ELOA2: variants seen among roughly 807,000 people sequenced by gnomAD.
ELOA2 encodes the protein elongin A2.
For missense variants in ELOA2, 1,271 were observed against 979.7 expected, an observed-to-expected ratio of 1.30 and a Z score of -3.97; for synonymous variants, 497 against 398.8, an observed-to-expected ratio of 1.25 and a Z score of -2.94.
Position 47,034,429 on chromosome 18 carries a change from A to G in ELOA2, c.836T>C (p.Phe279Ser), listed in dbSNP as rs1239353698. Residue 279 changes from phenylalanine (F) to serine (S), a missense_variant, in exon 1 of 1, where the codon TTC becomes TCC. Phe to Ser is a radical substitution (Grantham distance 155, BLOSUM62 -2). Coordinates refer to ENST00000332567, the MANE Select transcript of ELOA2 (RefSeq NM_016427.3). Reference sequence around the variant, plus strand: ...TTGCCCCCCTTCCTTGTCTGTCTTGAAGTCCGAAGGCTGCCTGTCCCTGGC... The same window carrying G: ...TTGCCCCCCTTCCTTGTCTGTCTTGGAGTCCGAAGGCTGCCTGTCCCTGGC... ...ASARDRQPSDFKTDKEGGQAG... is the reference protein window; with the variant it reads ...ASARDRQPSDSKTDKEGGQAG... The G allele has an allele frequency of 6.2e-7, 1 of 1,614,036 alleles. No individual in the cohort carries two copies.
rs761977562 is a variant in ELOA2, at chr18:47,034,697, C to G, written c.568G>C (p.Gly190Arg). ...MPEGPEPAAP[G>R]KQPGRGHTHA... ...GTGTGGCCTCTTCCGGGTTGCTTCC[C>G]GGGCGCAGCGGGCTCAGGGCCCTCG... The change falls in exon 1 of 1, where the codon GGG (glycine) becomes CGG (arginine). Residue 190 changes from glycine to arginine, a missense_variant. Coordinates refer to ENST00000332567, the MANE Select transcript of ELOA2 (RefSeq NM_016427.3). 6 of 1,612,960 alleles carry G rather than the reference C, an allele frequency of 3.7e-6. No homozygotes were observed. The highest frequency in any genetic ancestry group is 1.1e-5 in the South Asian group (1 of 91,014).
rs758500076 is a variant in ELOA2 at position 47,034,572 on chromosome 18, G to A, written c.693C>T (p.Arg231=). The A allele has an allele frequency of 6.2e-7, 1 of 1,614,192 alleles. No homozygotes were observed. The highest frequency in any genetic ancestry group is 1.3e-5 in the African/African-American group (1 of 75,072). ...GGGCACACAAGGGGCGTTTTTCCTG[G>A]CGAGACGATTTGTGCCCCTTGCTGT... is the stretch of plus-strand genomic sequence containing the variant. ...VSHSKGHKSS[R]QEKRPLCAQG... Residue 231 remains arginine, a synonymous_variant, in exon 1 of 1, where the codon CGC becomes CGT. Transcript: ENST00000332567.
chr18:47,034,422 T>C lies in ELOA2; in HGVS notation c.843A>G (p.Thr281=). 1 of 1,614,088 alleles carries C rather than the reference T, an allele frequency of 6.2e-7. No homozygotes were observed. The highest frequency in any genetic ancestry group is 1.1e-5 in the South Asian group (1 of 91,086). Residue 281 remains threonine, a synonymous_variant, in exon 1 of 1, where the codon ACA becomes ACG. Coordinates refer to ENST00000332567, the MANE Select transcript of ELOA2 (RefSeq NM_016427.3). ...ARDRQPSDFK[T]DKEGGQAGSG... is the part of the protein sequence containing the mutation. ...TGCCAGCTTGCCCCCCTTCCTTGTC[T>C]GTCTTGAAGTCCGAAGGCTGCCTGT... is the stretch of plus-strand genomic sequence containing the variant.
chr18:47,034,610 C>A lies in ELOA2; in HGVS notation c.655G>T (p.Ala219Ser), dbSNP rs768158322. 1 of 1,614,048 alleles carries A rather than the reference C, an allele frequency of 6.2e-7. No homozygotes were observed. The highest frequency in any genetic ancestry group is 1.7e-5 in the Admixed American group (1 of 60,012). Reference sequence around the variant, plus strand: ...TGCCCCTTGCTGTGGCTCACAACGGCTTTCCCCTGGGGTTGGCCCTGGCAG... The same window carrying A: ...TGCCCCTTGCTGTGGCTCACAACGGATTTCCCCTGGGGTTGGCCCTGGCAG... ...PGCQGQPQGK[A>S]VVSHSKGHKS... The change falls in exon 1 of 1, where the codon GCC becomes TCC. Residue 219 changes from alanine (A) to serine (S), a missense_variant. Physicochemically the swap from Ala to Ser is moderately conservative, Grantham distance 99. Transcript: ENST00000332567.
chr18:47,035,284 C>G lies in ELOA2; in HGVS notation c.-20G>C. ...CGCCATCTCACCAGAGCTGTGCAGG[C>G]GTCGCTGTCCCGGCGGTCGCAGCTC... On this transcript the variant is annotated 5_prime_UTR_variant, in exon 1 of 1. Transcript: ENST00000332567. 6.2e-7 allele frequency: 1 copy of G among 1,612,196 alleles called. No individual in the cohort carries two copies. Among genetic ancestry groups the G allele is most frequent in the East Asian group, 2.2e-5 (1 of 44,866 alleles).
In ELOA2 at chr18:47,034,497, G is replaced by T. The variant is rs2060659346; in HGVS notation, c.768C>A (p.Ala256=). 5 of 1,614,186 alleles carry T rather than the reference G, an allele frequency of 3.1e-6. No homozygotes were observed. The highest frequency in any genetic ancestry group is 4.2e-6 in the Non-Finnish European group (5 of 1,180,024). ...TCCTTGGGGTTTCCTCTCTTAAGCA[G>T]GCCCCGCATGATTTCTCCCTGATCA... ...PTLIREKSCG[A]CLREETPRMP... The change falls in exon 1 of 1, where the codon GCC becomes GCA. Residue 256 remains alanine, a synonymous_variant. Transcript: ENST00000332567.
chr18:47,033,457 GT>G, the ELOA2 span: 1 of 1,613,978 alleles, frequency 6.2e-7, no homozygotes, highest in Non-Finnish European at 8.5e-7. Flanking sequence ...CTCCCTCCAA[GT>G]TTTGTTTTCC....
rs771041874 is a variant in ELOA2 at position 47,033,023 on chromosome 18, T to C, written c.2242A>G (p.Arg748Gly). 2.4e-5 allele frequency: 39 copies of C among 1,613,988 alleles called. No individual in the cohort carries two copies. The highest frequency in any genetic ancestry group is 2.8e-5 in the Non-Finnish European group (33 of 1,180,032). ...TGAGTTTATCGTCGGGAGAATCTTC[T>C]CTTGTAGTCTCGAATTGCCTTGGCC... ...LMAKAIRDYK[R>G]RFSRR Residue 748 changes from arginine to glycine, a missense_variant, in exon 1 of 1, where the codon AGA becomes GGA. Coordinates refer to ENST00000332567, the MANE Select transcript of ELOA2 (RefSeq NM_016427.3).
In ELOA2 at chr18:47,035,454, C is replaced by T. The variant is rs2060728278; in HGVS notation, c.-190G>A. 3 of 1,271,432 alleles carry T rather than the reference C, an allele frequency of 2.4e-6. No homozygotes were observed. The Admixed American group carries it at 8.3e-5, about 35-fold the overall frequency. The allele number at this position is 1,271,432 out of a possible 1,614,324, so 78.8% of individuals were successfully genotyped here. A position where few individuals can be genotyped will look rare whatever the true frequency, so the allele number is the denominator to read the frequency against. On this transcript the variant is annotated 5_prime_UTR_variant, in exon 1 of 1. Transcript: ENST00000332567. ...GGCCACTTGGTCTGGAACGGCCGTC[C>T]TTGCAGACAGCTGAGCAGGCCCGCT...
At position 47,033,144 on chromosome 18, in the gene ELOA2, C is replaced by T. The variant is rs1482729035; in HGVS notation, c.2121G>A (p.Glu707=). The stretch of plus-strand genomic sequence containing the variant: ...TGCTCAGGCAGGGGTTGGCCCGCTT[C>T]TCAGGGAGCCAGCGAAGGATGCTGC... The part of the protein sequence containing the change: ...SSSSILRWLP[E]KRANPCLSSS... The change falls in exon 1 of 1, where the codon GAG becomes GAA. Residue 707 remains glutamate, a synonymous_variant. Coordinates refer to ENST00000332567, the MANE Select transcript of ELOA2 (RefSeq NM_016427.3). 2 of 1,614,096 alleles carry T rather than the reference C, an allele frequency of 1.2e-6. No homozygotes were observed. The highest frequency in any genetic ancestry group is 1.7e-5 in the Admixed American group (1 of 60,022).
At position 47,032,967 on chromosome 18, in the gene ELOA2, TC is replaced by T. The variant is rs767588960; in HGVS notation, c.*35del. The stretch of plus-strand genomic sequence containing the variant: ...CGCATTGACTTTGCCAATGCAAAAA[TC>T]CCCCCAGATTTTATCTGCAAGGCAA... On this transcript the variant is annotated 3_prime_UTR_variant, in exon 1 of 1. Coordinates refer to ENST00000332567, the MANE Select transcript of ELOA2 (RefSeq NM_016427.3). The T allele has an allele frequency of 6.2e-7, 1 of 1,613,318 alleles. No individual in the cohort carries two copies. The highest frequency in any genetic ancestry group is 1.7e-5 in the Admixed American group (1 of 60,002).
chr18:47,033,171 G>C lies in ELOA2; in HGVS notation c.2094C>G (p.Ser698Arg). 1 of 1,614,094 alleles carries C rather than the reference G, an allele frequency of 6.2e-7. No individual in the cohort carries two copies. Among genetic ancestry groups the C allele is most frequent in the Non-Finnish European group, 8.5e-7 (1 of 1,180,020 alleles). Residue 698 changes from serine (S) to arginine (R), a missense_variant, in exon 1 of 1, where the codon AGC (serine) becomes AGG (arginine). Coordinates refer to ENST00000332567, the MANE Select transcript of ELOA2 (RefSeq NM_016427.3). The part of the protein sequence containing the change: ...QSSSGGGRDS[S>R]SSILRWLPEK... ...CAGGGAGCCAGCGAAGGATGCTGCT[G>C]CTGCTGTCTCTGCCACCGCCGCTGC...
At position 47,034,101 on chromosome 18, in the gene ELOA2, G is replaced by A. The variant is rs2060634533; in HGVS notation, c.1164C>T (p.Thr388=). The part of the protein sequence containing the change: ...QPTLSCEKYL[T]YDQLRKQKKK... ...TCTTTTGCTTCCGCAACTGATCGTA[G>A]GTGAGGTATTTTTCACATGACAGAG... Residue 388 remains threonine (T), a synonymous_variant, in exon 1 of 1, where the codon ACC becomes ACT. Coordinates refer to ENST00000332567, the MANE Select transcript of ELOA2 (RefSeq NM_016427.3). The A allele has an allele frequency of 6.2e-7, 1 of 1,614,084 alleles. No individual in the cohort carries two copies. The highest frequency in any genetic ancestry group is 1.3e-5 in the African/African-American group (1 of 74,944).
Position 47,033,265 on chromosome 18 carries a change from G to A in ELOA2, c.2000C>T (p.Pro667Leu). 2.5e-6 allele frequency: 4 copies of A among 1,613,540 alleles called. No homozygotes were observed. Among genetic ancestry groups the A allele is most frequent in the Non-Finnish European group, 3.4e-6 (4 of 1,180,040 alleles). The change falls in exon 1 of 1, where the codon CCC becomes CTC. Residue 667 changes from proline to leucine, a missense_variant. Transcript: ENST00000332567. The part of the protein sequence containing the change: ...RQEKSAGDAD[P>L]ENGEIKPASK... The stretch of plus-strand genomic sequence containing the variant: ...GGCTGGCTTGATCTCCCCATTTTCG[G>A]GGTCAGCGTCTCCTGCAGACTTCTC...
rs181268056 is a variant in ELOA2, at chr18:47,033,751, C to T, written c.1514G>A (p.Gly505Glu). ...CGGCATCTTAGCATTCACTCTGCGT[C>T]CAGGGAAAGCAGCTTCCTCCCGGAA... The part of the protein sequence containing the change: ...PKFREEAAFP[G>E]RRVNAKMPVY... The change falls in exon 1 of 1, where the codon GGA (glycine) becomes GAA (glutamate). Residue 505 changes from glycine to glutamate, a missense_variant. Coordinates refer to ENST00000332567, the MANE Select transcript of ELOA2 (RefSeq NM_016427.3). The T allele has an allele frequency of 5.0e-6, 8 of 1,614,204 alleles. No homozygotes were observed. The highest frequency in any genetic ancestry group is 6.8e-6 in the Non-Finnish European group (8 of 1,180,048).
rs757957100 is a variant in ELOA2, at chr18:47,035,294, C to T, written c.-30G>A. ...CCAGAGCTGTGCAGGCGTCGCTGTC[C>T]CGGCGGTCGCAGCTCTGTCTTTGGG... On this transcript the variant is annotated 5_prime_UTR_variant, in exon 1 of 1. Transcript: ENST00000332567. 2.5e-6 allele frequency: 4 copies of T among 1,611,772 alleles called. No individual in the cohort carries two copies. The Admixed American group carries it at 5.0e-5, about 20-fold the overall frequency.
chr18:47,032,543 A>G lies in ELOA2; in HGVS notation c.*460T>C, dbSNP rs1599561500. The G allele has an allele frequency of 4.8e-6, 1 of 209,778 alleles. No individual in the cohort carries two copies. Among genetic ancestry groups the G allele is most frequent in the East Asian group, 1.3e-4 (1 of 7,522 alleles). 13.0% of individuals were successfully genotyped at this position (209,778 alleles called of 1,614,324 possible). ...GGCTCACGATTACAAGATCATGCTCAGCCTTTTATTAAAACAACAACAACG... is the reference window on the plus strand; with the variant it reads ...GGCTCACGATTACAAGATCATGCTCGGCCTTTTATTAAAACAACAACAACG... On this transcript the variant is annotated 3_prime_UTR_variant, in exon 1 of 1. Coordinates refer to ENST00000332567, the MANE Select transcript of ELOA2 (RefSeq NM_016427.3).
chr18:47,034,067 C>A, the ELOA2 span: 3 of 1,614,196 alleles, frequency 1.9e-6, no homozygotes, highest in Non-Finnish European at 2.5e-6. Context: ...GCAGATTTTC[C>A]AGTCTTTTTC....
chr18:47,032,796 C>G lies in ELOA2; in HGVS notation c.*207G>C. 1 of 868,028 alleles carries G rather than the reference C, an allele frequency of 1.2e-6. No homozygotes were observed. 53.8% of individuals were successfully genotyped at this position (868,028 alleles called of 1,614,324 possible). On this transcript the variant is annotated 3_prime_UTR_variant, in exon 1 of 1. Coordinates refer to ENST00000332567, the MANE Select transcript of ELOA2 (RefSeq NM_016427.3). ...CCAATGCGTTCATATCTTCTGAATTCTGAGGTGTTCTCCAAGCTGGGAGGT... is the reference window on the plus strand; with the variant it reads ...CCAATGCGTTCATATCTTCTGAATTGTGAGGTGTTCTCCAAGCTGGGAGGT...
Sources: gnomAD v4.1 joint callset for allele counts on GRCh38, gnomAD v4.1.1 for gene constraint, MANE v1.5 for transcripts, NCBI Gene and HGNC (gene_info 2026-07-23, HGNC 2026-07-21) for gene names.